Variants in IFT140 observed in about 807,000 individuals in gnomAD.
IFT140 encodes intraflagellar transport protein 140 homolog.
Under a neutral mutation model 164.6 loss-of-function variants are expected in IFT140, and 133 were observed. The ratio of observed to expected loss-of-function variants is 0.81; its 90% CI spans 0.70 to 0.93. The LOEUF (loss-of-function observed/expected upper bound fraction) is 0.93. Ranked by LOEUF, IFT140 falls within the 40% of genes least tolerant of loss-of-function variation. The pLI, the probability that IFT140 is intolerant of heterozygous loss-of-function variation, is 0.00. For synonymous variants in IFT140, 860 were observed against 817.3 expected, an observed-to-expected ratio of 1.05 and a Z score of -0.89; for missense variants, 2,045 against 1,972.3, an observed-to-expected ratio of 1.04 and a Z score of -0.70.
At chr16:1,572,371 G>A (rs1392103173) in intron 13 of IFT140, among the ~76,000 whole-genome samples, 1 of 152,248 alleles carries the variant, frequency 6.6e-6, no homozygotes, top group East Asian at 1.9e-4. Flanking sequence ...CACAGGCCGG[G>A]CGCGGTGGCT....
At position 1,510,972 on chromosome 16, in the gene IFT140, A is replaced by T; in HGVS notation, c.4361T>A (p.Val1454Glu). ...MEDARELDEE[V>E]VEEADDDP The stretch of plus-strand genomic sequence containing the variant: ...GGGGTCGTCATCTGCCTCTTCCACC[A>T]CCTCCTCGTCCAGCTCCCTGGCGTC... Residue 1454 changes from valine to glutamate, a missense_variant, in exon 31 of 31, where the codon GTG becomes GAG. Val to Glu is a moderately radical substitution (Grantham distance 121, BLOSUM62 -2). Transcript: ENST00000426508. The T allele has an allele frequency of 6.2e-7, 1 of 1,611,386 alleles. No individual in the cohort carries two copies. Among genetic ancestry groups the T allele is most frequent in the Non-Finnish European group, 8.5e-7 (1 of 1,179,132 alleles).
rs768931963 is a variant in IFT140, at chr16:1,584,179, C to A, written c.1359+38G>T. 1.0e-5 allele frequency: 16 copies of A among 1,583,594 alleles called. No homozygotes were observed. In the South Asian group the frequency reaches 1.8e-4, roughly 18 times the overall value. On this transcript the variant is annotated intron_variant, in intron 11 of 30. Coordinates refer to ENST00000426508, the MANE Select transcript of IFT140 (RefSeq NM_014714.4). Reference sequence around the variant, plus strand: ...ACTACCTGGCCATGGGGCAGTTCTTCTGTCTGTGTCCCACCCACGGGTCCC... The same window carrying A: ...ACTACCTGGCCATGGGGCAGTTCTTATGTCTGTGTCCCACCCACGGGTCCC...
intron 3 of IFT140, among the ~76,000 whole-genome samples, chr16:1,602,984 G>A (rs1279753130): frequency 6.6e-6 from 1 of 152,120 alleles, no homozygotes; most frequent in African/African-American, 2.4e-5. Flanking sequence ...GTGATCTGTG[G>A]ACTCCACATT....
chr16:1,526,114 C>T, intron 20 of IFT140, 37 bp from the exon 21 acceptor site: 1 of 1,530,390 alleles, frequency 6.5e-7, no homozygotes, highest in Non-Finnish European at 8.8e-7. Flanking sequence ...GTGCAGCCTC[C>T]ACACACCCAC....
At chr16:1,534,229 A>G (rs747586942) in intron 19 of IFT140, 2 of 1,600,402 alleles carry the variant, frequency 1.2e-6, no homozygotes, top group Non-Finnish European at 1.7e-6. Context: ...GCGGCCGCGG[A>G]CTGGGACTTG....
chr16:1,610,894 G>A (rs975667958), intron 1 of IFT140, 41 bp from the exon 2 acceptor site: 3 of 152,620 alleles, frequency 2.0e-5, no homozygotes, highest in African/African-American at 7.2e-5. Flanking sequence ...TAGGAGAGAC[G>A]GCGGCGCAGG....
At chr16:1,601,693 T>C (rs1190741724) in intron 4 of IFT140, among the ~76,000 whole-genome samples, 1 of 152,202 alleles carries the variant, frequency 6.6e-6, no homozygotes, top group African/African-American at 2.4e-5. Context: ...AATGCACTTG[T>C]GTGTGCCTGA....
intron 19 of IFT140, among the ~76,000 whole-genome samples, chr16:1,543,703 C>T (rs1348401231): frequency 1.3e-5 from 2 of 152,224 alleles, no homozygotes; most frequent in Non-Finnish European, 2.9e-5. Context: ...TCCTCCCCTC[C>T]TGCATGACTG....
At chr16:1,563,228 G>C (rs546022402) in intron 17 of IFT140, among the ~76,000 whole-genome samples, 1 of 151,980 alleles carries the variant, frequency 6.6e-6, no homozygotes, top group African/African-American at 2.4e-5. Flanking sequence ...GTGTCCTCCC[G>C]CTCAGCGCCT....
chr16:1,554,938 T>A (rs2032967583), intron 19 of IFT140: 1 of 1,614,042 alleles, frequency 6.2e-7, no homozygotes, highest in Non-Finnish European at 8.5e-7. Context: ...GAGGACTGCA[T>A]GGCCCCCCGG....
intron 30 of IFT140, among the ~76,000 whole-genome samples, chr16:1,517,874 G>C (rs564935943): frequency 5.5e-4 from 83 of 152,104 alleles, no homozygotes; most frequent in African/African-American, 1.9e-3. Context: ...GTCTCGCTCT[G>C]TCACCCAGGC....
intron 27 of IFT140, 44 bp from the exon 28 acceptor site, chr16:1,520,387 C>G (rs536410654): frequency 6.3e-7 from 1 of 1,599,054 alleles, no homozygotes; most frequent in Non-Finnish European, 8.6e-7. Context: ...GGGGCTGGGC[C>G]GGGACAAGCA....
At chr16:1,607,417 T>C (rs976436367) in intron 2 of IFT140, 120 bp from the exon 3 acceptor site, 2 of 844,746 alleles carry the variant, frequency 2.4e-6, no homozygotes, top group Admixed American at 3.0e-5. Context: ...CATCGGCAAC[T>C]TGAAAATGCC....
At chr16:1,609,069 C>T (rs1280884817) in intron 2 of IFT140, among the ~76,000 whole-genome samples, 6 of 152,020 alleles carry the variant, frequency 3.9e-5, no homozygotes, top group Admixed American at 2.0e-4. Flanking sequence ...ACATGAGAAT[C>T]GCTTGAATCC....
chr16:1,555,236 C>A (rs953679164), intron 19 of IFT140: 17 of 615,560 alleles, frequency 2.8e-5, no homozygotes, highest in Admixed American at 9.6e-5. Context: ...CTCGTTCTGC[C>A]TCCAGCTTTC....
intron 15 of IFT140, among the ~76,000 whole-genome samples, chr16:1,567,279 T>G (rs2033770710): frequency 6.6e-6 from 1 of 152,136 alleles, no homozygotes; most frequent in African/African-American, 2.4e-5. Flanking sequence ...AAGATGATAT[T>G]GACATTATCC....
chr16:1,512,266 C>T (rs1306147785), intron 30 of IFT140, among the ~76,000 whole-genome samples: 2 of 150,110 alleles, frequency 1.3e-5, no homozygotes, highest in African/African-American at 2.5e-5. Flanking sequence ...GAGGGCAGGA[C>T]GTGGGGACAG....
intron 18 of IFT140, among the ~76,000 whole-genome samples, chr16:1,559,828 G>T (rs2033305887): frequency 6.6e-6 from 1 of 152,226 alleles, no homozygotes; most frequent in African/African-American, 2.4e-5. Context: ...AATAAGGGAG[G>T]AAAAGGATCT....
At chr16:1,587,825 C>T in intron 8 of IFT140, 108 bp downstream of exon 8, 1 of 828,986 alleles carries the variant, frequency 1.2e-6, no homozygotes, top group Non-Finnish European at 1.9e-6. Context: ...GAGCACTCAG[C>T]ATCATATGTG....
Sources: allele counts gnomAD v4.1 joint callset (sites outside exome capture counted in the v4.1 genomes callset), GRCh38; gene constraint gnomAD v4.1.1; transcripts MANE v1.5; gene names NCBI Gene and HGNC (gene_info 2026-07-23, HGNC 2026-07-21).